SLC9C1: variants seen among roughly 807,000 people sequenced by gnomAD.
SLC9C1 encodes solute carrier family 9 member C1.
SLC9C1 carries 97 observed loss-of-function variants against 140.9 expected under a neutral mutation model. The observed-to-expected ratio is 0.69, with a 90% CI of 0.58 to 0.82. The LOEUF is 0.82. Among genes scored for constraint, SLC9C1 ranks in the 40% least tolerant of loss-of-function variants. SLC9C1 has a pLI of 0.00. For synonymous variants in SLC9C1, 440 were observed against 442.6 expected, an observed-to-expected ratio of 0.99 and a Z score of 0.07; for missense variants, 1,340 against 1,389.3, an observed-to-expected ratio of 0.96 and a Z score of 0.56.
intron 15 of SLC9C1, among the ~76,000 whole-genome samples, chr3:112,216,441 T>G (rs531546679): frequency 9.9e-5 from 15 of 151,882 alleles, no homozygotes; most frequent in African/African-American, 3.6e-4. Flanking sequence ...GGGAGAAAAT[T>G]TTTGCAATAT....
At chr3:112,290,377 T>G (rs1362126049) in intron 1 of SLC9C1, among the ~76,000 whole-genome samples, 1 of 152,214 alleles carries the variant, frequency 6.6e-6, no homozygotes, top group Non-Finnish European at 1.5e-5. Flanking sequence ...ATAATAAATT[T>G]TTTTTTCAGA....
Position 112,244,080 on chromosome 3 carries a change from G to A in SLC9C1, c.1198-4C>T. On this transcript the variant is annotated splice_region_variant and splice_polypyrimidine_tract_variant and intron_variant, in intron 10 of 28. Coordinates refer to ENST00000305815, the MANE Select transcript of SLC9C1 (RefSeq NM_183061.3). Reference sequence around the variant, plus strand: ...CTAACACTCCATGAAATAATATCTAGAATTGAAAAAAATACAAAGTAAGTA... The same window carrying A: ...CTAACACTCCATGAAATAATATCTAAAATTGAAAAAAATACAAAGTAAGTA... 1 of 1,556,996 alleles carries A rather than the reference G, an allele frequency of 6.4e-7. No homozygotes were observed. Among genetic ancestry groups the A allele is most frequent in the Non-Finnish European group, 8.8e-7 (1 of 1,142,740 alleles).
intron 15 of SLC9C1, among the ~76,000 whole-genome samples, chr3:112,214,088 C>A (rs2078285780): frequency 6.6e-6 from 1 of 152,222 alleles, no homozygotes; most frequent in Non-Finnish European, 1.5e-5. Flanking sequence ...GGAAACCGAA[C>A]AACCAGCTGC....
rs575435936 is a variant in SLC9C1, at chr3:112,287,814, G to A, written c.-87-936C>T. ...TGTAATCCCAATACTTTGGGAGGCC[G>A]AGGCGGGTGGGTCACGAGGTCAGGA... is the stretch of plus-strand genomic sequence containing the variant. On this transcript the variant is annotated intron_variant, in intron 1 of 28. Coordinates refer to ENST00000305815, the MANE Select transcript of SLC9C1 (RefSeq NM_183061.3). 6.6e-5 allele frequency among the ~76,000 whole-genome samples: 10 copies of A among 152,178 alleles called. No homozygotes were observed. The South Asian group carries it at 1.2e-3, about 19-fold the overall frequency.
intron 10 of SLC9C1, among the ~76,000 whole-genome samples, chr3:112,253,590 GC>G (rs1218364225): frequency 6.6e-6 from 1 of 152,106 alleles, no homozygotes; most frequent in Non-Finnish European, 1.5e-5. Flanking sequence ...GAAAGCCTTG[GC>G]CCAATGAAAA....
chr3:112,176,060 T>C lies in SLC9C1; in HGVS notation c.2919+3471A>G, dbSNP rs1182146306. Among the ~76,000 whole-genome samples the C allele has an allele frequency of 2.0e-5, 3 of 152,284 alleles. No individual in the cohort carries two copies. The East Asian group carries it at 5.8e-4, about 29-fold the overall frequency. On this transcript the variant is annotated intron_variant, in intron 23 of 28. Coordinates refer to ENST00000305815, the MANE Select transcript of SLC9C1 (RefSeq NM_183061.3). The stretch of plus-strand genomic sequence containing the variant: ...CTGCTTTTGCTGGGAGGCCTGGGTA[T>C]CTAAGGCTCCTAGGGCTCCACATGT...
chr3:112,186,240 A>T (rs1383129950), intron 20 of SLC9C1, among the ~76,000 whole-genome samples: 1 of 103,636 alleles, frequency 9.6e-6, no homozygotes, highest in Non-Finnish European at 2.0e-5. Context: ...TGTTATTAAA[A>T]TCCAATTTGG....
intron 13 of SLC9C1, among the ~76,000 whole-genome samples, chr3:112,228,032 T>C (rs979102134): frequency 1.3e-5 from 2 of 151,936 alleles, no homozygotes; most frequent in African/African-American, 2.4e-5. Flanking sequence ...ATACCAGTGA[T>C]AGAGAAAACA....
chr3:112,216,021 G>A (rs777856509), intron 15 of SLC9C1, among the ~76,000 whole-genome samples: 8 of 152,122 alleles, frequency 5.3e-5, no homozygotes, highest in Non-Finnish European at 1.0e-4. Context: ...TAGACGAATG[G>A]AACAGAACAG....
At chr3:112,228,055 G>A (rs1420260912) in intron 13 of SLC9C1, among the ~76,000 whole-genome samples, 3 of 151,932 alleles carry the variant, frequency 2.0e-5, no homozygotes, top group East Asian at 1.9e-4. Flanking sequence ...CCTAAAATTT[G>A]TATGGAACCT....
rs1475034736 is a variant in SLC9C1, at chr3:112,204,235, T to C, written c.2155A>G (p.Ile719Val). 6.7e-7 allele frequency: 1 copy of C among 1,502,838 alleles called. No individual in the cohort carries two copies. The highest frequency in any genetic ancestry group is 2.6e-5 in the Admixed American group (1 of 38,228). 93.1% of individuals were successfully genotyped at this position (1,502,838 alleles called of 1,614,324 possible). The part of the protein sequence containing the change: ...VFIKVVQFFR[I>V]LRIFKLIAPK... ...TTCTTTACCTTGAAAATGCGTAGTA[T>C]ACGAAAAAATTGAACAACTTTTATA... The change falls in exon 17 of 29, where the codon ATA becomes GTA. Residue 719 changes from isoleucine to valine, a missense_variant. By Grantham distance (29) the Ile-to-Val change is conservative. Transcript: ENST00000305815.
rs1484156877 is a variant in SLC9C1, at chr3:112,231,392, A to G, written c.1541T>C (p.Leu514Pro). The G allele has an allele frequency of 6.2e-7, 1 of 1,613,392 alleles. No individual in the cohort carries two copies. The highest frequency in any genetic ancestry group is 1.3e-5 in the African/African-American group (1 of 74,924). Residue 514 changes from leucine to proline, a missense_variant, in exon 13 of 29, where the codon CTG (leucine) becomes CCG (proline). By Grantham distance (98) the Leu-to-Pro change is moderately conservative. Coordinates refer to ENST00000305815, the MANE Select transcript of SLC9C1 (RefSeq NM_183061.3). ...DEIFNTEAME[L>P]ANRRLLSAQI... ...TGCTGACAAGAGACGCCTGTTGGCC[A>G]GCTCCATTGCTTCAGTGTTAAAGAT...
rs932752572 is a variant in SLC9C1 at position 112,277,601 on chromosome 3, C to T, written c.484+94G>A. 4 of 1,124,768 alleles carry T rather than the reference C, an allele frequency of 3.6e-6. No individual in the cohort carries two copies. In the African/African-American group the frequency reaches 4.9e-5, roughly 14 times the overall value. The allele number at this position is 1,124,768 out of a possible 1,614,324, so 69.7% of individuals were successfully genotyped here. A position where few individuals can be genotyped will look rare whatever the true frequency, so the allele number is the denominator to read the frequency against. On this transcript the variant is annotated intron_variant, in intron 5 of 28. Transcript: ENST00000305815. Reference sequence around the variant, plus strand: ...CAATCCCTCACTACCTGACTTCTCACAGTGAAAAGCTACCAAAAGCAAAAG... The same window carrying T: ...CAATCCCTCACTACCTGACTTCTCATAGTGAAAAGCTACCAAAAGCAAAAG...
chr3:112,275,126 T>C, intron 5 of SLC9C1, 101 bp from the exon 6 acceptor site: 1 of 1,221,856 alleles, frequency 8.2e-7, no homozygotes, highest in Non-Finnish European at 1.1e-6. Flanking sequence ...AGGATGGTCT[T>C]AGCTATGGAT....
rs189781328 is a variant in SLC9C1, at chr3:112,277,644, C to T, written c.484+51G>A. 60 of 1,374,618 alleles carry T rather than the reference C, an allele frequency of 4.4e-5. No homozygotes were observed. In the African/African-American group the frequency reaches 8.4e-4, roughly 19 times the overall value. The allele number at this position is 1,374,618 out of a possible 1,614,324, so 85.2% of individuals were successfully genotyped here. On this transcript the variant is annotated intron_variant, in intron 5 of 28. Coordinates refer to ENST00000305815, the MANE Select transcript of SLC9C1 (RefSeq NM_183061.3). ...AGCAAAAGATCTTAAAATACAAGTT[C>T]ATTATGAAATATGATATTATAAATA...
chr3:112,271,949 T>C (rs1425068467), intron 6 of SLC9C1, among the ~76,000 whole-genome samples: 1 of 152,230 alleles, frequency 6.6e-6, no homozygotes, highest in African/African-American at 2.4e-5. Context: ...AAAAGTAAAA[T>C]TCATGCACCA....
chr3:112,247,821 T>A (rs2079332931), intron 10 of SLC9C1, among the ~76,000 whole-genome samples: 1 of 152,224 alleles, frequency 6.6e-6, no homozygotes, highest in African/African-American at 2.4e-5. Flanking sequence ...ACATACTGCA[T>A]ACATCTCACT....
intron 12 of SLC9C1, among the ~76,000 whole-genome samples, chr3:112,235,731 T>G (rs2078966245): frequency 6.6e-6 from 1 of 152,226 alleles, no homozygotes; most frequent in African/African-American, 2.4e-5. Flanking sequence ...GGTAATCATG[T>G]GGTTTTTGCC....
intron 20 of SLC9C1, among the ~76,000 whole-genome samples, chr3:112,192,594 G>C (rs945224137): frequency 2.0e-5 from 3 of 151,798 alleles, no homozygotes; most frequent in South Asian, 2.1e-4. Context: ...AGTTATTTCA[G>C]AAGACTTGTC....
Sources: allele counts gnomAD v4.1 joint callset (sites outside exome capture counted in the v4.1 genomes callset), GRCh38; gene constraint gnomAD v4.1.1; transcripts MANE v1.5; gene names NCBI Gene and HGNC (gene_info 2026-07-23, HGNC 2026-07-21).